The following BPGM variants were observed in gnomAD, a reference collection of about 807,000 sequenced individuals.
BPGM encodes the protein bisphosphoglycerate mutase.
Under a neutral mutation model 21.6 loss-of-function variants are expected in BPGM, and 15 were observed. That is an observed-to-expected ratio of 0.70 (90% CI 0.47 to 1.07). The LOEUF (loss-of-function observed/expected upper bound fraction) is 1.07, where lower values mean the gene tolerates loss of function less well. Ranked by LOEUF, BPGM falls within the 50% of genes least tolerant of loss-of-function variation. The pLI is 0.00. For missense variants in BPGM, 273 were observed against 319.0 expected (o/e 0.86, Z 1.10); for synonymous variants, 113 against 116.2 (o/e 0.97, Z 0.18).
rs1473934691 is a variant in BPGM at position 134,679,385 on chromosome 7, A to C, written c.*354A>C. The C allele has an allele frequency of 1.4e-5, 4 of 285,824 alleles. No homozygotes were observed. The highest frequency in any genetic ancestry group is 2.2e-5 in the African/African-American group (1 of 46,042). 17.7% of individuals were successfully genotyped at this position (285,824 alleles called of 1,614,324 possible). A position where few individuals can be genotyped will look rare whatever the true frequency, so the allele number is the denominator to read the frequency against. On this transcript the variant is annotated 3_prime_UTR_variant, in exon 3 of 3. Transcript: ENST00000344924. ...CATTATTGAGTCACCATTGACAGGC[A>C]CTATTCTAATCAGTAGTTCACTTTA... is the stretch of plus-strand genomic sequence containing the variant.
At chr7:134,649,592 C>A (rs1246460079) in intron 1 of BPGM, among the ~76,000 whole-genome samples, 1 of 152,088 alleles carries the variant, frequency 6.6e-6, no homozygotes, top group African/African-American at 2.4e-5. Flanking sequence ...ATATGGGTGG[C>A]AGGACAAAAA....
At chr7:134,650,646 A>G (rs2347689) in intron 1 of BPGM, among the ~76,000 whole-genome samples, 111,067 of 152,208 alleles carry the variant, frequency 0.73, 42,075 homozygotes, top group East Asian at 0.96. Context: ...GCCTTGGCCG[A>G]GCACGGTGGC....
chr7:134,651,002 A>G (rs1295387791), intron 1 of BPGM, among the ~76,000 whole-genome samples: 1 of 152,192 alleles, frequency 6.6e-6, no homozygotes, highest in Non-Finnish European at 1.5e-5. Context: ...TTACTTTGTT[A>G]AAGACATGGT....
chr7:134,647,271 CA>C (rs1426817886), intron 1 of BPGM: 1 of 152,254 alleles, frequency 6.6e-6, no homozygotes, highest in African/African-American at 2.4e-5. Flanking sequence ...TACTGTGTAG[CA>C]GAGCCCTTCC....
At chr7:134,676,547 C>T (rs1394471342) in intron 2 of BPGM, among the ~76,000 whole-genome samples, 1 of 152,188 alleles carries the variant, frequency 6.6e-6, no homozygotes, top group Non-Finnish European at 1.5e-5. Context: ...GTAAACAGTA[C>T]TCAGTGTACT....
chr7:134,652,790 G>C (rs1258225628), intron 1 of BPGM, among the ~76,000 whole-genome samples: 1 of 152,152 alleles, frequency 6.6e-6, no homozygotes, highest in Non-Finnish European at 1.5e-5. Context: ...CATCCATGTT[G>C]TTGTGAATGA....
In BPGM at chr7:134,646,897, G is replaced by GCT. The variant is rs1795468636; in HGVS notation, c.-102_-101insCT. ...TGGCTCTTTGGCGGCTCGGAGGAGC[G>GCT]GCTGCTGCTGCTGCTGCTGCTGCTG... On this transcript the variant is annotated 5_prime_UTR_variant, in exon 1 of 3. An upstream open reading frame in the 5' UTR loses its in-frame stop. Coordinates refer to ENST00000344924, the MANE Select transcript of BPGM (RefSeq NM_001724.5). 4.1e-4 allele frequency: 77 copies of GCT among 185,936 alleles called. No individual in the cohort carries two copies. The highest frequency in any genetic ancestry group is 1.5e-3 in the African/African-American group (64 of 42,224). The allele number at this position is 185,936 out of a possible 1,614,324, so 11.5% of individuals were successfully genotyped here.
intron 2 of BPGM, among the ~76,000 whole-genome samples, chr7:134,665,865 A>ATTTTCTTTTCTTTTCTTTTCTTTTC (rs144380412): frequency 1.3e-5 from 2 of 150,312 alleles, no homozygotes; most frequent in African/African-American, 4.9e-5. Context: ...GATTAATGAC[A>ATTTTCTTTTCTTTTCTTTTCTTTTC]TTTTCTTTTC....
Position 134,661,932 on chromosome 7 carries a change from A to T in BPGM, c.425A>T (p.Tyr142Phe). 6.2e-7 allele frequency: 1 copy of T among 1,614,086 alleles called. No individual in the cohort carries two copies. The highest frequency in any genetic ancestry group is 8.5e-7 in the Non-Finnish European group (1 of 1,179,932). ...YYQEIYNDRRYKVCDVPLDQL... is the reference protein window; with the variant it reads ...YYQEIYNDRRFKVCDVPLDQL... ...CAAGAAATCTACAACGACCGGAGGT[A>T]TAAAGTATGCGATGTGCCCTTGGAT... The change falls in exon 2 of 3, where the codon TAT becomes TTT. Residue 142 changes from tyrosine to phenylalanine, a missense_variant. Tyr to Phe is a conservative substitution (Grantham distance 22). Transcript: ENST00000344924. The surrounding 1 kb of genome is among the most constrained non-coding windows in gnomAD (Gnocchi z 4.6).
rs1284506920 is a variant in BPGM, at chr7:134,679,553, T to A, written c.*522T>A. 1 of 153,460 alleles carries A rather than the reference T, an allele frequency of 6.5e-6. No individual in the cohort carries two copies. Among genetic ancestry groups the A allele is most frequent in the Non-Finnish European group, 1.5e-5 (1 of 68,920 alleles). The allele number at this position is 153,460 out of a possible 1,614,324, so 9.5% of individuals were successfully genotyped here. On this transcript the variant is annotated 3_prime_UTR_variant, in exon 3 of 3. Transcript: ENST00000344924. ...CCATTAGTTGAGAAAGTCACAGATATATTTCTCCAAGAAAGCCAACAACCA... is the reference window on the plus strand; with the variant it reads ...CCATTAGTTGAGAAAGTCACAGATAAATTTCTCCAAGAAAGCCAACAACCA...
At chr7:134,674,207 C>T (rs1253492130) in intron 2 of BPGM, among the ~76,000 whole-genome samples, 2 of 152,196 alleles carry the variant, frequency 1.3e-5, no homozygotes, top group Non-Finnish European at 2.9e-5. Flanking sequence ...GCCACTGCGC[C>T]CAGCCCTGTT....
intron 2 of BPGM, among the ~76,000 whole-genome samples, chr7:134,675,954 C>A (rs962814753): frequency 3.9e-5 from 6 of 152,072 alleles, no homozygotes; most frequent in Non-Finnish European, 1.5e-5. Flanking sequence ...GCATTTTATT[C>A]TTTTTGATGT....
Position 134,679,380 on chromosome 7 carries a change from CA to C in BPGM, c.*350del. Reference sequence around the variant, plus strand: ...GAAATCATTATTGAGTCACCATTGACAGGCACTATTCTAATCAGTAGTTCAC... The same window carrying C: ...GAAATCATTATTGAGTCACCATTGACGGCACTATTCTAATCAGTAGTTCAC... On this transcript the variant is annotated 3_prime_UTR_variant, in exon 3 of 3. Coordinates refer to ENST00000344924, the MANE Select transcript of BPGM (RefSeq NM_001724.5). 1 of 295,488 alleles carries C rather than the reference CA, an allele frequency of 3.4e-6. No individual in the cohort carries two copies. Among genetic ancestry groups the C allele is most frequent in the South Asian group, 4.0e-5 (1 of 25,284 alleles). The allele number at this position is 295,488 out of a possible 1,614,324, so 18.3% of individuals were successfully genotyped here. A position where few individuals can be genotyped will look rare whatever the true frequency, so the allele number is the denominator to read the frequency against.
At chr7:134,676,954 C>T (rs1158034868) in intron 2 of BPGM, among the ~76,000 whole-genome samples, 1 of 152,202 alleles carries the variant, frequency 6.6e-6, no homozygotes, top group Non-Finnish European at 1.5e-5. Context: ...TGTTTAGAAT[C>T]TAGAGTAGTC....
intron 1 of BPGM, among the ~76,000 whole-genome samples, chr7:134,653,045 A>G (rs1795581159): frequency 6.6e-6 from 1 of 152,208 alleles, no homozygotes; most frequent in Non-Finnish European, 1.5e-5. Flanking sequence ...ACAGCCCACA[A>G]ACTATGCATG....
At chr7:134,673,043 G>A (rs543258238) in intron 2 of BPGM, among the ~76,000 whole-genome samples, 29 of 152,154 alleles carry the variant, frequency 1.9e-4, no homozygotes, top group Admixed American at 3.3e-4. Flanking sequence ...GTGTGGTGGC[G>A]GGCACCTGTA....
At position 134,661,707 on chromosome 7, in the gene BPGM, C is replaced by G. The variant is rs750951686; in HGVS notation, c.200C>G (p.Ala67Gly). 1 of 1,614,090 alleles carries G rather than the reference C, an allele frequency of 6.2e-7. No individual in the cohort carries two copies. The highest frequency in any genetic ancestry group is 1.1e-5 in the South Asian group (1 of 91,074). Residue 67 changes from alanine to glycine, a missense_variant, in exon 2 of 3, where the codon GCC becomes GGC. Physicochemically the swap from Ala to Gly is moderately conservative, Grantham distance 60. Transcript: ENST00000344924. This position sits in a 1 kb window ranked among gnomAD's most constrained non-coding sequence, Gnocchi z 4.6. ...GTCCTTAATCGGTCCATTCACACAG[C>G]CTGGCTGATCCTGGAAGAGCTAGGC... ...TSVLNRSIHTAWLILEELGQE... is the reference protein window; with the variant it reads ...TSVLNRSIHTGWLILEELGQE...
At position 134,661,667 on chromosome 7, in the gene BPGM, C is replaced by T. The variant is rs371168429; in HGVS notation, c.160C>T (p.Leu54Phe). The part of the protein sequence containing the change: ...QLKALNFEFD[L>F]VFTSVLNRSI... ...CAAAGCGTTAAACTTTGAGTTTGAT[C>T]TTGTATTCACATCTGTCCTTAATCG... Residue 54 changes from leucine (L) to phenylalanine (F), a missense_variant, in exon 2 of 3, where the codon CTT becomes TTT. Leu to Phe is a conservative substitution (Grantham distance 22). Transcript: ENST00000344924. The surrounding 1 kb of genome is among the most constrained non-coding windows in gnomAD (Gnocchi z 4.6). 1 of 1,614,154 alleles carries T rather than the reference C, an allele frequency of 6.2e-7. No individual in the cohort carries two copies. The highest frequency in any genetic ancestry group is 1.7e-5 in the Admixed American group (1 of 60,010).
intron 2 of BPGM, among the ~76,000 whole-genome samples, chr7:134,664,547 GA>G (rs1787181383): frequency 1.2e-5 from 1 of 84,032 alleles, no homozygotes; most frequent in Non-Finnish European, 2.2e-5. Flanking sequence ...GTCACATTAT[GA>G]GGAGTTTGGG....
Sources: gnomAD v4.1 joint callset for allele counts (sites outside exome capture counted in the v4.1 genomes callset) on GRCh38, gnomAD v4.1.1 for gene constraint, Gnocchi (gnomAD v3.1) non-coding constraint, MANE v1.5 for transcripts, NCBI Gene and HGNC (gene_info 2026-07-23, HGNC 2026-07-21) for gene names.